The following SNX29 variants were observed in gnomAD, a reference collection of about 807,000 sequenced individuals.
SNX29 encodes sorting nexin 29.
Under a neutral mutation model 102.1 loss-of-function variants are expected in SNX29, and 78 were observed. The observed-to-expected ratio is 0.76, with a 90% CI of 0.64 to 0.92. The LOEUF (loss-of-function observed/expected upper bound fraction) is 0.92, where lower values mean the gene tolerates loss of function less well. Among genes scored for constraint, SNX29 ranks in the 40% least tolerant of loss-of-function variants. The pLI, the probability that SNX29 is intolerant of heterozygous loss-of-function variation, is 0.00. For missense variants in SNX29, 1,280 were observed against 1,061.7 expected (o/e 1.21, Z -2.86); for synonymous variants, 580 against 414.5 (o/e 1.40, Z -4.85).
chr16:12,327,026 C>T (rs1398316583), intron 15 of SNX29, among the ~76,000 whole-genome samples: 2 of 152,304 alleles, frequency 1.3e-5, no homozygotes, highest in South Asian at 4.1e-4. Flanking sequence ...TGATGGGCTG[C>T]TGGGTTGCTC....
chr16:12,531,345 C>T (rs565979424), intron 20 of SNX29, among the ~76,000 whole-genome samples: 12 of 152,292 alleles, frequency 7.9e-5, no homozygotes, highest in East Asian at 1.9e-4. Flanking sequence ...CTGTGCTTTC[C>T]GAAGAGCACG....
At chr16:12,060,018 C>T (rs1385385405) in intron 8 of SNX29, among the ~76,000 whole-genome samples, 1 of 152,164 alleles carries the variant, frequency 6.6e-6, no homozygotes, top group East Asian at 1.9e-4. Context: ...CTTTGGTCTT[C>T]TTTATCTACT....
intron 15 of SNX29, among the ~76,000 whole-genome samples, chr16:12,338,123 GT>G (rs2081506635): frequency 6.6e-6 from 1 of 152,204 alleles, no homozygotes; most frequent in Non-Finnish European, 1.5e-5. Flanking sequence ...GGTCATCAGT[GT>G]TTTCTGGGGC....
intron 20 of SNX29, among the ~76,000 whole-genome samples, chr16:12,536,979 TAAAA>T (rs1342932705): frequency 3.4e-5 from 5 of 148,084 alleles, no homozygotes; most frequent in Admixed American, 6.7e-5. Context: ...GAACCCGTCT[TAAAA>T]AAATAAAATA....
chr16:12,415,730 C>A (rs140282444), intron 18 of SNX29, among the ~76,000 whole-genome samples: 1 of 152,160 alleles, frequency 6.6e-6, no homozygotes. Context: ...GACTCTCCTC[C>A]CCAGCGGGTC....
chr16:12,340,950 TGA>T (rs2081593183), intron 15 of SNX29, among the ~76,000 whole-genome samples: 1 of 152,194 alleles, frequency 6.6e-6, no homozygotes, highest in African/African-American at 2.4e-5. Flanking sequence ...TACTTCACCA[TGA>T]GGTTATGAGA....
At chr16:12,184,118 C>T (rs369041043) in intron 13 of SNX29, among the ~76,000 whole-genome samples, 14 of 152,304 alleles carry the variant, frequency 9.2e-5, no homozygotes, top group East Asian at 3.9e-4. Flanking sequence ...TTCTTTCTTG[C>T]GTGAGATCCA....
At chr16:12,038,456 A>G (rs545939773) in intron 4 of SNX29, among the ~76,000 whole-genome samples, 29 of 152,144 alleles carry the variant, frequency 1.9e-4, no homozygotes, top group South Asian at 1.0e-3. Context: ...TTCGGCTTTC[A>G]GGTGTTTGGA....
chr16:12,542,600 G>T (rs1004392673), intron 20 of SNX29, among the ~76,000 whole-genome samples: 3 of 152,188 alleles, frequency 2.0e-5, no homozygotes, highest in Non-Finnish European at 2.9e-5. Flanking sequence ...CCAAAGTGCT[G>T]GGATTACAGG....
intron 16 of SNX29, among the ~76,000 whole-genome samples, chr16:12,382,108 A>G (rs2083186029): frequency 6.6e-6 from 1 of 152,048 alleles, no homozygotes; most frequent in African/African-American, 2.4e-5. Context: ...TTCCACATCA[A>G]GGGAGGCAGC....
intron 11 of SNX29, among the ~76,000 whole-genome samples, chr16:12,091,840 A>G (rs932950779): frequency 2.6e-5 from 4 of 151,564 alleles, no homozygotes; most frequent in African/African-American, 9.7e-5. Flanking sequence ...TAATGATGAC[A>G]CAGCAAGAAG....
chr16:12,236,779 G>A (rs1489125817), intron 14 of SNX29, among the ~76,000 whole-genome samples: 2 of 152,170 alleles, frequency 1.3e-5, no homozygotes, highest in African/African-American at 4.8e-5. Context: ...CTGAGCACTC[G>A]TCACATGCTT....
intron 3 of SNX29, among the ~76,000 whole-genome samples, chr16:12,005,815 G>A (rs984772194): frequency 3.3e-5 from 5 of 152,158 alleles, no homozygotes; most frequent in South Asian, 4.1e-4. Flanking sequence ...TGGATTAGGC[G>A]TGCCTAACTG....
At chr16:12,525,971 T>G (rs963612662) in intron 20 of SNX29, among the ~76,000 whole-genome samples, 12 of 152,140 alleles carry the variant, frequency 7.9e-5, no homozygotes, top group Admixed American at 7.2e-4. Context: ...TTTACATCCT[T>G]GGAATTAGGG....
chr16:12,071,746 A>G (rs554492149), intron 10 of SNX29, among the ~76,000 whole-genome samples: 56 of 152,254 alleles, frequency 3.7e-4, no homozygotes, highest in African/African-American at 1.3e-3. Flanking sequence ...CATTGAATCT[A>G]TAAATTACCT....
chr16:12,061,171 C>T (rs2050758467), intron 8 of SNX29, among the ~76,000 whole-genome samples: 1 of 152,192 alleles, frequency 6.6e-6, no homozygotes, highest in Non-Finnish European at 1.5e-5. Context: ...GAGCTTTCTC[C>T]ACAATCTGAG....
chr16:12,568,557 C>G lies in SNX29; in HGVS notation c.2370C>G (p.Ser790=), dbSNP rs755218989. ...EPVNSRPKAA[S]RFPKLSRGQP... is the part of the protein sequence containing the mutation. ...TGAACAGCCGGCCCAAAGCAGCTTC[C>G]CGCTTCCCCAAACTGTCCCGGGGTC... Residue 790 remains serine, a synonymous_variant, in exon 21 of 21, where the codon TCC becomes TCG. Coordinates refer to ENST00000566228, the MANE Select transcript of SNX29 (RefSeq NM_032167.5). 4 of 1,609,428 alleles carry G rather than the reference C, an allele frequency of 2.5e-6. No homozygotes were observed. The highest frequency in any genetic ancestry group is 2.7e-5 in the African/African-American group (2 of 75,056).
intron 14 of SNX29, among the ~76,000 whole-genome samples, chr16:12,243,056 T>A (rs1467317903): frequency 6.6e-6 from 1 of 152,178 alleles, no homozygotes; most frequent in East Asian, 1.9e-4. Flanking sequence ...CACATGTCCG[T>A]CTTTCACGTG....
chr16:12,565,913 T>C (rs1352347889), intron 20 of SNX29, among the ~76,000 whole-genome samples: 2 of 151,864 alleles, frequency 1.3e-5, no homozygotes, highest in African/African-American at 4.8e-5. Context: ...TCCACCGTGA[T>C]CCACCACAGC....
Sources: gnomAD v4.1 joint callset for allele counts (sites outside exome capture counted in the v4.1 genomes callset) on GRCh38, gnomAD v4.1.1 for gene constraint, MANE v1.5 for transcripts, NCBI Gene and HGNC (gene_info 2026-07-23, HGNC 2026-07-21) for gene names.